USP42: variants seen among roughly 807,000 people sequenced by gnomAD.
The protein encoded by USP42 is ubiquitin specific peptidase 42.
USP42 carries 23 observed loss-of-function variants against 113.0 expected under a neutral mutation model. The observed-to-expected ratio is 0.20, with a 90% CI of 0.15 to 0.29. USP42 has a LOEUF of 0.29. Ranked by LOEUF, USP42 falls within the 10% of genes least tolerant of loss-of-function variation. USP42 has a pLI of 1.00. For missense variants in USP42, 2,174 were observed against 1,779.8 expected, an observed-to-expected ratio of 1.22 and a Z score of -3.99; for synonymous variants, 933 against 699.0, an observed-to-expected ratio of 1.33 and a Z score of -5.28.
At chr7:6,152,574 C>G (rs1782135466) in intron 14 of USP42, among the ~76,000 whole-genome samples, 1 of 152,124 alleles carries the variant, frequency 6.6e-6, no homozygotes, top group African/African-American at 2.4e-5. Flanking sequence ...GGGGCGAACC[C>G]TGTGGGCAGG....
chr7:6,102,635 G>A (rs1790161697), upstream of USP42, among the ~76,000 whole-genome samples: 1 of 150,630 alleles, frequency 6.6e-6, no homozygotes, highest in Non-Finnish European at 1.5e-5. Context: ...CTGTGCCTGT[G>A]GGGACACACT....
intron 11 of USP42, among the ~76,000 whole-genome samples, chr7:6,146,912 C>T (rs1473868675): frequency 6.6e-6 from 1 of 152,206 alleles, no homozygotes; most frequent in African/African-American, 2.4e-5. Flanking sequence ...GTGGTCACAG[C>T]CAGCACCTCC....
chr7:6,106,511 C>G (rs552235255), intron 1 of USP42, among the ~76,000 whole-genome samples: 1 of 152,110 alleles, frequency 6.6e-6, no homozygotes, highest in African/African-American at 2.4e-5. Context: ...GTATTTAAAG[C>G]AAAGGAAACA....
chr7:6,158,576 G>T lies in USP42; in HGVS notation c.3944-874G>T, dbSNP rs1782596162. ...GAGAGAGAGCTGGGGGTTGCGGGGT[G>T]AGCCCCATGGGGGACATTTGCCCAT... On this transcript the variant is annotated intron_variant, in intron 16 of 17. Transcript: ENST00000306177. The surrounding 1 kb of genome is among the most constrained non-coding windows in gnomAD (Gnocchi z 4.2). 6.6e-6 allele frequency among the ~76,000 whole-genome samples: 1 copy of T among 152,330 alleles called. No homozygotes were observed. Among genetic ancestry groups the T allele is most frequent in the South Asian group, 2.1e-4 (1 of 4,830 alleles).
rs1317319104 is a variant in USP42 at position 6,153,945 on chromosome 7, C to T, written c.2391C>T (p.Ala797=). 3 of 1,597,482 alleles carry T rather than the reference C, an allele frequency of 1.9e-6. No individual in the cohort carries two copies. The highest frequency in any genetic ancestry group is 2.6e-6 in the Non-Finnish European group (3 of 1,174,690). Residue 797 remains alanine, a synonymous_variant, in exon 15 of 18, where the codon GCC becomes GCT. Coordinates refer to ENST00000306177, the MANE Select transcript of USP42 (RefSeq NM_032172.3). ...GCGCCTGGGAGGCCATGGCCGTCGCCCCCGAGGAGCCTCCGCCCAGCGCCG... is the reference window on the plus strand; with the variant it reads ...GCGCCTGGGAGGCCATGGCCGTCGCTCCCGAGGAGCCTCCGCCCAGCGCCG... The part of the protein sequence containing the change: ...KEGAWEAMAV[A]PEEPPPSAGE...
chr7:6,120,214 T>C (rs1780141691), intron 3 of USP42, among the ~76,000 whole-genome samples: 1 of 152,094 alleles, frequency 6.6e-6, no homozygotes, highest in South Asian at 2.1e-4. Flanking sequence ...TCTGCCTGCC[T>C]CGGCCTCTCA....
At chr7:6,152,076 G>A (rs183282849) in intron 14 of USP42, among the ~76,000 whole-genome samples, 36 of 152,324 alleles carry the variant, frequency 2.4e-4, no homozygotes, top group African/African-American at 4.1e-4. Context: ...TGAATGTAAC[G>A]TTGGTCAGGA....
At position 6,153,047 on chromosome 7, in the gene USP42, G is replaced by C. The variant is rs1373312104; in HGVS notation, c.2202-709G>C. ...GCACTTTGGGAGGCTGAGGCGGGCG[G>C]ATCACCTGAGGTCAGGAGTTCGAGA... On this transcript the variant is annotated intron_variant, in intron 14 of 17. Transcript: ENST00000306177. 1.1e-5 allele frequency: 8 copies of C among 729,008 alleles called. No homozygotes were observed. The South Asian group carries it at 3.7e-4, about 34-fold the overall frequency. The allele number at this position is 729,008 out of a possible 1,614,324, so 45.2% of individuals were successfully genotyped here. A position where few individuals can be genotyped will look rare whatever the true frequency, so the allele number is the denominator to read the frequency against.
rs771967324 is a variant in USP42 at position 6,135,872 on chromosome 7, A to G, written c.474A>G (p.Thr158=). The G allele has an allele frequency of 1.2e-6, 2 of 1,605,662 alleles. No individual in the cohort carries two copies. Among genetic ancestry groups the G allele is most frequent in the South Asian group, 1.1e-5 (1 of 88,382 alleles). Residue 158 remains threonine (T), a synonymous_variant, in exon 4 of 18, where the codon ACA becomes ACG. Transcript: ENST00000306177. ...CAGAAGGCTTTTGTATGATGTGTAC[A>G]ATGCAAGCACATATTACCCAGGCAC... ...CHAEGFCMMC[T]MQAHITQALS...
intron 3 of USP42, among the ~76,000 whole-genome samples, chr7:6,123,540 T>C (rs1247731782): frequency 1.3e-5 from 2 of 152,012 alleles, no homozygotes; most frequent in African/African-American, 4.8e-5. Flanking sequence ...CGGGCGCCTG[T>C]AGTCCCAGCT....
rs1202773051 is a variant in USP42 at position 6,136,058 on chromosome 7, G to A, written c.553+107G>A. ...CTTGCTCTGTCGCCTAGGCTGGAAT[G>A]TAGTGGCGCTATTTCGGCTCACTGC... is the stretch of plus-strand genomic sequence containing the variant. On this transcript the variant is annotated intron_variant, in intron 4 of 17. Transcript: ENST00000306177. 4 of 668,796 alleles carry A rather than the reference G, an allele frequency of 6.0e-6. No individual in the cohort carries two copies. In the East Asian group the frequency reaches 1.2e-4, roughly 21 times the overall value. The allele number at this position is 668,796 out of a possible 1,614,324, so 41.4% of individuals were successfully genotyped here.
intron 3 of USP42, among the ~76,000 whole-genome samples, chr7:6,132,757 C>T (rs530200944): frequency 2.7e-5 from 4 of 150,660 alleles, no homozygotes; most frequent in African/African-American, 7.3e-5. Flanking sequence ...CTGCAACCTC[C>T]GCCTCCCGGG....
At position 6,154,576 on chromosome 7, in the gene USP42, C is replaced by G; in HGVS notation, c.3022C>G (p.Pro1008Ala). The change falls in exon 15 of 18, where the codon CCT becomes GCT. Residue 1008 changes from proline (P) to alanine (A), a missense_variant. Coordinates refer to ENST00000306177, the MANE Select transcript of USP42 (RefSeq NM_032172.3). Reference protein sequence around the residue: ...HHPGHGDRLSPGERRSLGRCS... With the variant: ...HHPGHGDRLSAGERRSLGRCS... The stretch of plus-strand genomic sequence containing the variant: ...CCCCGGCCACGGCGACAGGCTCAGC[C>G]CTGGCGAGCGCCGCTCTCTGGGCAG... 1 of 1,561,554 alleles carries G rather than the reference C, an allele frequency of 6.4e-7. No homozygotes were observed. Among genetic ancestry groups the G allele is most frequent in the Non-Finnish European group, 8.7e-7 (1 of 1,155,626 alleles).
At chr7:6,144,539 T>G (rs1272236269) in intron 9 of USP42, among the ~76,000 whole-genome samples, 1 of 152,170 alleles carries the variant, frequency 6.6e-6, no homozygotes, top group African/African-American at 2.4e-5. Context: ...CTAAATAGCA[T>G]GCAAGAGAAA....
the USP42 span, among the ~76,000 whole-genome samples, chr7:6,098,192 C>T: frequency 6.0e-5 from 9 of 150,220 alleles, 2 homozygotes; most frequent in East Asian, 1.9e-4. Context: ...CGTGAGCCAC[C>T]GCGCCCAGCC....
chr7:6,101,501 C>T (rs558007131), upstream of USP42, among the ~76,000 whole-genome samples: 2 of 151,422 alleles, frequency 1.3e-5, no homozygotes, highest in East Asian at 3.9e-4. Flanking sequence ...AGCATTCACT[C>T]TGGATTACAC....
Position 6,139,422 on chromosome 7 carries a change from C to CTTGATTG in USP42, c.656+228_656+229insTTGATTG, listed in dbSNP as rs1781328016. 1 of 410,078 alleles carries CTTGATTG rather than the reference C, an allele frequency of 2.4e-6. No homozygotes were observed. The highest frequency in any genetic ancestry group is 5.1e-5 in the South Asian group (1 of 19,744). The allele number at this position is 410,078 out of a possible 1,614,324, so 25.4% of individuals were successfully genotyped here. On this transcript the variant is annotated intron_variant, in intron 5 of 17. Coordinates refer to ENST00000306177, the MANE Select transcript of USP42 (RefSeq NM_032172.3). The surrounding 1 kb of genome is among the most constrained non-coding windows in gnomAD (Gnocchi z 4.5). The stretch of plus-strand genomic sequence containing the variant: ...TTTGAGTTGGCTCAATCATAGATGT[C>CTTGATTG]AGGAAATAAACATTGGTCTTGCAGC...
intron 4 of USP42, among the ~76,000 whole-genome samples, chr7:6,136,482 T>G (rs769914663): frequency 5.9e-5 from 9 of 152,248 alleles, no homozygotes; most frequent in Non-Finnish European, 1.3e-4. Context: ...TATTAAAGAC[T>G]ATTCAATTTA....
rs1249182948 is a variant in USP42 at position 6,150,031 on chromosome 7, C to T, written c.1835C>T (p.Ser612Phe). 6.2e-7 allele frequency: 1 copy of T among 1,611,756 alleles called. No homozygotes were observed. The highest frequency in any genetic ancestry group is 2.2e-5 in the East Asian group (1 of 44,844). The change falls in exon 13 of 18, where the codon TCT (serine) becomes TTT (phenylalanine). Residue 612 changes from serine to phenylalanine, a missense_variant. Coordinates refer to ENST00000306177, the MANE Select transcript of USP42 (RefSeq NM_032172.3). The stretch of plus-strand genomic sequence containing the variant: ...CTGGTGCCCTATGGCGCCGAGTCCT[C>T]TGAGGACTCTGACGAGGAGTCAAAG... ...SVLVPYGAES[S>F]EDSDEESKGL...
Sources: gnomAD v4.1 joint callset for allele counts (sites outside exome capture counted in the v4.1 genomes callset) on GRCh38, gnomAD v4.1.1 for gene constraint, Gnocchi (gnomAD v3.1) non-coding constraint, MANE v1.5 for transcripts, NCBI Gene and HGNC (gene_info 2026-07-23, HGNC 2026-07-21) for gene names.